ARHGEF28: variants seen among roughly 807,000 people sequenced by gnomAD.
ARHGEF28 encodes 190 kDa guanine nucleotide exchange factor.
Under a neutral mutation model 206.6 loss-of-function variants are expected in ARHGEF28, and 152 were observed. The ratio of observed to expected loss-of-function variants is 0.74; its 90% CI spans 0.64 to 0.84. The LOEUF is 0.84. ARHGEF28 is among the 40% of genes least tolerant of loss of function. The pLI, the probability that ARHGEF28 is intolerant of heterozygous loss-of-function variation, is 0.00. For missense variants in ARHGEF28, 2,028 were observed against 2,073.2 expected, an observed-to-expected ratio of 0.98 and a Z score of 0.42; for synonymous variants, 763 against 776.4, an observed-to-expected ratio of 0.98 and a Z score of 0.29.
chr5:73,886,262 T>C (rs1375932497), intron 25 of ARHGEF28, among the ~76,000 whole-genome samples, 158 bp downstream of exon 25: 1 of 152,238 alleles, frequency 6.6e-6, no homozygotes, highest in African/African-American at 2.4e-5. Flanking sequence ...TAGGCAAATT[T>C]GGCCAATGAT....
At chr5:73,919,931 A>G (rs1002394310) in intron 35 of ARHGEF28, among the ~76,000 whole-genome samples, 3 of 152,222 alleles carry the variant, frequency 2.0e-5, no homozygotes, top group Non-Finnish European at 2.9e-5. Context: ...ATGTGGGTAG[A>G]GCATTACATA....
chr5:73,877,206 C>T (rs1402750557), intron 22 of ARHGEF28, among the ~76,000 whole-genome samples: 1 of 151,600 alleles, frequency 6.6e-6, no homozygotes, highest in Non-Finnish European at 1.5e-5. Context: ...AGTTTATTTG[C>T]ATAGAGGTGT....
At chr5:73,927,793 C>T (rs1763902203) in intron 35 of ARHGEF28, among the ~76,000 whole-genome samples, 2 of 152,128 alleles carry the variant, frequency 1.3e-5, no homozygotes, top group South Asian at 4.1e-4. Flanking sequence ...GGAAGAGGGA[C>T]CTTTATTCTT....
chr5:73,768,808 G>A (rs1753052684), intron 4 of ARHGEF28, among the ~76,000 whole-genome samples: 1 of 152,010 alleles, frequency 6.6e-6, no homozygotes, highest in Non-Finnish European at 1.5e-5. Context: ...TGATTTGGCT[G>A]TGTCCTCACC....
intron 1 of ARHGEF28, among the ~76,000 whole-genome samples, chr5:73,651,569 C>T (rs916554406): frequency 2.0e-5 from 3 of 152,176 alleles, no homozygotes; most frequent in Non-Finnish European, 4.4e-5. Flanking sequence ...GTGTAGAAAA[C>T]CTGCAGTCAA....
At position 73,890,413 on chromosome 5, in the gene ARHGEF28, A is replaced by G. The variant is rs912728744; in HGVS notation, c.3388-1639A>G. 5.3e-5 allele frequency among the ~76,000 whole-genome samples: 8 copies of G among 152,234 alleles called. No individual in the cohort carries two copies. In the South Asian group the frequency reaches 1.2e-3, roughly 24 times the overall value. ...GTACATTGCACATTGCATCAGGGAA[A>G]CAGATAAGGGAGTAGGTCCATAATA... On this transcript the variant is annotated intron_variant, in intron 26 of 35. Coordinates refer to ENST00000513042, the MANE Select transcript of ARHGEF28 (RefSeq NM_001177693.2).
At chr5:73,829,770 TTTA>T (rs1247724769) in intron 9 of ARHGEF28, among the ~76,000 whole-genome samples, 2 of 152,168 alleles carry the variant, frequency 1.3e-5, no homozygotes, top group African/African-American at 4.8e-5. Context: ...TTAAATTAAT[TTTA>T]TTTAAAGAAA....
intron 2 of ARHGEF28, among the ~76,000 whole-genome samples, chr5:73,732,096 G>T (rs1354604637): frequency 6.6e-6 from 1 of 150,576 alleles, no homozygotes; most frequent in Non-Finnish European, 1.5e-5. Flanking sequence ...TTACATTAGG[G>T]TTCACTCCTG....
intron 35 of ARHGEF28, among the ~76,000 whole-genome samples, chr5:73,917,825 T>TAC (rs141937294): frequency 6.2e-4 from 94 of 152,188 alleles, no homozygotes; most frequent in African/African-American, 2.1e-3. Context: ...TGCACACATA[T>TAC]ACACACACAC....
At chr5:73,681,890 A>G (rs552353480) in intron 1 of ARHGEF28, among the ~76,000 whole-genome samples, 2 of 152,278 alleles carry the variant, frequency 1.3e-5, no homozygotes, top group East Asian at 1.9e-4. Context: ...ACTTGAGGCC[A>G]GGGGTTTGAG....
chr5:73,940,119 G>A (rs978248918), intron 35 of ARHGEF28, among the ~76,000 whole-genome samples: 1 of 152,326 alleles, frequency 6.6e-6, no homozygotes, highest in East Asian at 1.9e-4. Context: ...AAAATGGTTT[G>A]CAGCAAGTGT....
rs561770828 is a variant in ARHGEF28, at chr5:73,840,177, C to A, written c.1147-303C>A. Reference sequence around the variant, plus strand: ...TGTAACCCAGGCTAGAGTGCACTGGCGCAATCGCTACTCATTGCAACGTCT... The same window carrying A: ...TGTAACCCAGGCTAGAGTGCACTGGAGCAATCGCTACTCATTGCAACGTCT... On this transcript the variant is annotated intron_variant, in intron 10 of 35. Transcript: ENST00000513042. Among the ~76,000 whole-genome samples, 88 of 152,232 alleles carry A rather than the reference C, an allele frequency of 5.8e-4. 1 individual carries two copies. The highest frequency in any genetic ancestry group is 3.9e-3 in the Admixed American group (59 of 15,282).
At chr5:73,685,478 C>G (rs12153443) in intron 2 of ARHGEF28, among the ~76,000 whole-genome samples, 6,011 of 152,194 alleles carry the variant, frequency 0.039, 245 homozygotes, top group East Asian at 0.16. Context: ...CTCCTTCCTT[C>G]TGATTTCAGA....
chr5:73,816,558 T>C (rs900411919), intron 9 of ARHGEF28, among the ~76,000 whole-genome samples: 1 of 152,214 alleles, frequency 6.6e-6, no homozygotes, highest in African/African-American at 2.4e-5. Context: ...TGAACACATA[T>C]ATGTTACTGG....
chr5:73,788,094 T>C (rs1364071914), intron 7 of ARHGEF28, among the ~76,000 whole-genome samples: 1 of 152,100 alleles, frequency 6.6e-6, no homozygotes, highest in East Asian at 1.9e-4. Flanking sequence ...AGATACTTTA[T>C]TCTAGCTGAG....
chr5:73,739,942 G>A (rs10073000), intron 2 of ARHGEF28, among the ~76,000 whole-genome samples: 37,163 of 149,544 alleles, frequency 0.25, 4,947 homozygotes, highest in Non-Finnish European at 0.3. Flanking sequence ...TTGAGGTGGG[G>A]GGGTCATTTG....
At chr5:73,688,124 A>G (rs913184897) in intron 2 of ARHGEF28, among the ~76,000 whole-genome samples, 1 of 152,202 alleles carries the variant, frequency 6.6e-6, no homozygotes, top group African/African-American at 2.4e-5. Context: ...TTATAAAATA[A>G]CACTATGCAT....
intron 2 of ARHGEF28, among the ~76,000 whole-genome samples, chr5:73,733,694 A>G (rs918028610): frequency 6.6e-5 from 10 of 152,210 alleles, no homozygotes; most frequent in Admixed American, 5.2e-4. Flanking sequence ...TTTGACAACT[A>G]TTACAGCAAT....
At chr5:73,721,652 A>C (rs1749955812) in intron 2 of ARHGEF28, among the ~76,000 whole-genome samples, 2 of 152,034 alleles carry the variant, frequency 1.3e-5, no homozygotes, top group Admixed American at 6.6e-5. Context: ...AGCTCACTGC[A>C]GCCTGGACCT....
Sources: allele counts gnomAD v4.1 joint callset (sites outside exome capture counted in the v4.1 genomes callset), GRCh38; gene constraint gnomAD v4.1.1; transcripts MANE v1.5; gene names NCBI Gene and HGNC (gene_info 2026-07-23, HGNC 2026-07-21).